Variants in ATRX observed in about 807,000 individuals in gnomAD.
The protein encoded by ATRX is ATRX chromatin remodeler, also known as chromatin remodeler ATRX.
In ATRX, 12 loss-of-function variants were observed where a neutral mutation model predicts 172.6. That is an observed-to-expected ratio of 0.07 (90% CI 0.04 to 0.11). The LOEUF (loss-of-function observed/expected upper bound fraction) is 0.11. ATRX is among the 10% of genes least tolerant of loss of function. The probability of loss-of-function intolerance (pLI) is 1.00; values close to 1 mark genes in which losing one functional copy is unlikely to be tolerated. For missense variants in ATRX, 1,368 were observed against 1,767.4 expected (o/e 0.77, Z 4.05); for synonymous variants, 674 against 594.7 (o/e 1.13, Z -1.94).
intron 15 of ATRX, among the ~76,000 whole-genome samples, chrX:77,646,581 C>CGG (rs1366675009): frequency 9.0e-6 from 1 of 111,287 alleles, no homozygotes; most frequent in African/African-American, 3.3e-5. Context: ...AAGCGTAAAA[C>CGG]AAGTAGACAA....
intron 5 of ATRX, among the ~76,000 whole-genome samples, chrX:77,694,440 T>C (rs912391134): frequency 1.8e-5 from 2 of 111,269 alleles, no homozygotes; most frequent in Non-Finnish European, 1.9e-5. Flanking sequence ...TTCATTCTAT[T>C]ACTCCTGTAT....
intron 1 of ATRX, among the ~76,000 whole-genome samples, chrX:77,775,804 G>A (rs1441118715): frequency 2.7e-5 from 3 of 110,113 alleles, no homozygotes; most frequent in African/African-American, 9.9e-5. Flanking sequence ...GTGATATCTC[G>A]GCTCACTCCA....
chrX:77,685,072 C>T lies in ATRX; in HGVS notation c.595-66G>A, dbSNP rs192917355. On this transcript the variant is annotated intron_variant, in intron 7 of 34. Coordinates refer to ENST00000373344, the MANE Select transcript of ATRX (RefSeq NM_000489.6). Reference sequence around the variant, plus strand: ...TGATAACATTCATAAAGGACAAAAACTTTATTTTTTTAAGTAATTAAAAAC... The same window carrying T: ...TGATAACATTCATAAAGGACAAAAATTTTATTTTTTTAAGTAATTAAAAAC... 5 of 905,226 alleles carry T rather than the reference C, an allele frequency of 5.5e-6. No homozygotes were observed. The East Asian group carries it at 1.2e-4, about 23-fold the overall frequency. 74.6% of individuals were successfully genotyped at this position (905,226 alleles called of 1,213,427 possible).
At chrX:77,630,168 G>A (rs2068045882) in intron 19 of ATRX, among the ~76,000 whole-genome samples, 1 of 111,374 alleles carries the variant, frequency 9.0e-6, no homozygotes, top group African/African-American at 3.3e-5. Flanking sequence ...ATAAATTTAA[G>A]AAAATAAGTC....
At chrX:77,576,656 G>T (rs782222645) in intron 27 of ATRX, among the ~76,000 whole-genome samples, 41 of 111,031 alleles carry the variant, frequency 3.7e-4, no homozygotes, top group African/African-American at 1.3e-3. Context: ...ATACAAAAAT[G>T]GGTAGTAATG....
chrX:77,646,318 T>C (rs782370457), intron 15 of ATRX, among the ~76,000 whole-genome samples: 12 of 111,750 alleles, frequency 1.1e-4, no homozygotes, highest in Admixed American at 5.7e-4. Flanking sequence ...GATGACTATA[T>C]AGACATCAGA....
At chrX:77,612,876 T>G (rs1330875580) in intron 22 of ATRX, among the ~76,000 whole-genome samples, 6 of 111,911 alleles carry the variant, frequency 5.4e-5, no homozygotes, top group African/African-American at 1.9e-4. Flanking sequence ...ATATTTCACT[T>G]AGCATTAATG....
chrX:77,710,248 A>C (rs190738392), intron 2 of ATRX, among the ~76,000 whole-genome samples: 2 of 108,853 alleles, frequency 1.8e-5, no homozygotes, highest in African/African-American at 3.3e-5. Context: ...GCAGTGAGTC[A>C]AGATCATGCC....
In ATRX at chrX:77,599,599, A is replaced by G; in HGVS notation, c.5787-19T>C. 1 of 1,209,108 alleles carries G rather than the reference A, an allele frequency of 8.3e-7. No individual in the cohort carries two copies. The highest frequency in any genetic ancestry group is 1.8e-5 in the South Asian group (1 of 56,916). ...CTTCTTTCTAAAAACAAACAAACAA[A>G]CAAACAAAAAAACACATTCAGATTG... On this transcript the variant is annotated intron_variant, in intron 24 of 34. Transcript: ENST00000373344.
chrX:77,778,716 G>A (rs1426533091), intron 1 of ATRX, among the ~76,000 whole-genome samples: 5 of 100,296 alleles, frequency 5.0e-5, no homozygotes, highest in African/African-American at 1.5e-4. Flanking sequence ...GCGAGACTAC[G>A]TCTCAAAAAA....
chrX:77,683,435 T>C lies in ATRX; in HGVS notation c.1821A>G (p.Glu607=), dbSNP rs1035332072. 8.3e-7 allele frequency: 1 copy of C among 1,210,154 alleles called. No homozygotes were observed. Among genetic ancestry groups the C allele is most frequent in the Non-Finnish European group, 1.1e-6 (1 of 893,796 alleles). The change falls in exon 9 of 35, where the codon GAA becomes GAG. Residue 607 remains glutamate (E), a synonymous_variant. Transcript: ENST00000373344. ...NSPIKGADCQ[E]VPQDKDGYKS... ...TATAGCCATCTTTATCTTGTGGAACTTCCTGACAATCAGCACCTTTAATTG... is the reference window on the plus strand; with the variant it reads ...TATAGCCATCTTTATCTTGTGGAACCTCCTGACAATCAGCACCTTTAATTG...
Position 77,682,358 on chromosome X carries a change from C to A in ATRX, c.2898G>T (p.Glu966Asp), listed in dbSNP as rs138256318. The A allele has an allele frequency of 5.0e-6, 6 of 1,208,639 alleles. No homozygotes were observed. Among genetic ancestry groups the A allele is most frequent in the Non-Finnish European group, 6.7e-6 (6 of 894,697 alleles). Residue 966 changes from glutamate (E) to aspartate (D), a missense_variant, in exon 9 of 35, where the codon GAG (glutamate) becomes GAT (aspartate). Physicochemically the swap from Glu to Asp is conservative, Grantham distance 45 (BLOSUM62 2). This residue lies in a region of ATRX where 843 missense variants were observed against 643.1 expected (regional missense o/e 1.31). Transcript: ENST00000373344. The stretch of plus-strand genomic sequence containing the variant: ...CGCTCTGGTCTTTCTTTAGGAATTT[C>A]TCTGCAATATCAGATAAGCCATCCT... ...KVQDGLSDIA[E>D]KFLKKDQSDE...
intron 26 of ATRX, 35 bp downstream of exon 26, chrX:77,593,661 G>A (rs782481042): frequency 1.7e-6 from 2 of 1,160,083 alleles, no homozygotes; most frequent in African/African-American, 1.8e-5. Context: ...TAATCAAAAG[G>A]TTAATTTATA....
chrX:77,634,409 C>T, intron 17 of ATRX, 185 bp downstream of exon 17: 1 of 414,776 alleles, frequency 2.4e-6, no homozygotes, highest in East Asian at 4.0e-5. Flanking sequence ...TCTGAAAGTA[C>T]ATATTTCTTA....
intron 15 of ATRX, among the ~76,000 whole-genome samples, chrX:77,640,848 C>T (rs1229388054): frequency 1.8e-5 from 2 of 111,681 alleles, no homozygotes; most frequent in Non-Finnish European, 3.8e-5. Flanking sequence ...ACAGGATTCA[C>T]TTTGAGTCAT....
intron 12 of ATRX, 120 bp from the exon 13 acceptor site, chrX:77,656,773 G>T: frequency 1.9e-6 from 1 of 519,916 alleles, no homozygotes; most frequent in Non-Finnish European, 3.2e-6. Context: ...AGGTATATAT[G>T]TGAATGGATA....
intron 25 of ATRX, 100 bp from the exon 26 acceptor site, chrX:77,593,949 G>T: frequency 3.7e-6 from 3 of 800,122 alleles, no homozygotes. Flanking sequence ...GAGTAAGAAA[G>T]AAACTGATGG....
intron 2 of ATRX, among the ~76,000 whole-genome samples, chrX:77,716,403 T>C (rs1557165206): frequency 9.8e-6 from 1 of 102,103 alleles, no homozygotes; most frequent in Non-Finnish European, 2.0e-5. Flanking sequence ...GTGGTTTTAT[T>C]TTAAAAAATA....
intron 19 of ATRX, among the ~76,000 whole-genome samples, chrX:77,624,848 C>T (rs1488197750): frequency 9.0e-6 from 1 of 111,197 alleles, no homozygotes; most frequent in African/African-American, 3.3e-5. Context: ...CAATGCAATC[C>T]CCATCAAAAT....
Sources: allele counts gnomAD v4.1 joint callset (sites outside exome capture counted in the v4.1 genomes callset), GRCh38; gene constraint gnomAD v4.1.1; regional missense constraint gnomAD v4.1.1; transcripts MANE v1.5; gene names NCBI Gene and HGNC (gene_info 2026-07-23, HGNC 2026-07-21).